Variants in COL11A1 observed in about 807,000 individuals in gnomAD.
The protein encoded by COL11A1 is collagen alpha-1(XI) chain.
A neutral mutation model predicts 265.2 loss-of-function variants in COL11A1; 74 were observed. The ratio of observed to expected loss-of-function variants is 0.28; its 90% CI spans 0.23 to 0.34. The LOEUF (loss-of-function observed/expected upper bound fraction) is 0.34, where lower values mean the gene tolerates loss of function less well. Among genes scored for constraint, COL11A1 ranks in the 10% least tolerant of loss-of-function variants. COL11A1 has a pLI of 1.00. For synonymous variants in COL11A1, 816 were observed against 727.6 expected (o/e 1.12, Z -1.96); for missense variants, 2,165 against 2,263.6 (o/e 0.96, Z 0.88).
At chr1:103,076,553 T>C (rs1045285716) in intron 3 of COL11A1, among the ~76,000 whole-genome samples, 9 of 152,120 alleles carry the variant, frequency 5.9e-5, no homozygotes, top group Non-Finnish European at 1.2e-4. Context: ...TTGCACATGT[T>C]CTTCACCCAG....
chr1:102,926,389 A>G (rs1300684800), intron 46 of COL11A1, among the ~76,000 whole-genome samples: 2 of 152,160 alleles, frequency 1.3e-5, no homozygotes, highest in Non-Finnish European at 2.9e-5. Context: ...GTGTGTGTGT[A>G]TATATCCTTC....
intron 8 of COL11A1, among the ~76,000 whole-genome samples, 162 bp downstream of exon 8, chr1:103,022,580 T>G (rs1408814052): frequency 1.3e-5 from 2 of 152,156 alleles, no homozygotes; most frequent in Non-Finnish European, 2.9e-5. Context: ...AAGATTCCCA[T>G]GTGAAAGAAT....
At chr1:103,046,988 A>G (rs1402898222) in intron 4 of COL11A1, among the ~76,000 whole-genome samples, 4 of 152,228 alleles carry the variant, frequency 2.6e-5, no homozygotes, top group East Asian at 1.9e-4. Context: ...TACAAGTACC[A>G]TGTTGTTTTG....
intron 14 of COL11A1, among the ~76,000 whole-genome samples, chr1:103,011,806 A>G (rs1049656739): frequency 6.6e-6 from 1 of 152,110 alleles, no homozygotes; most frequent in Non-Finnish European, 1.5e-5. Context: ...ACACCACTTA[A>G]CATTAGTATA....
intron 4 of COL11A1, among the ~76,000 whole-genome samples, chr1:103,073,925 A>G (rs954312332): frequency 2.6e-5 from 4 of 152,046 alleles, no homozygotes; most frequent in Non-Finnish European, 5.9e-5. Flanking sequence ...TGACAAAGAA[A>G]CGACTCAAAT....
intron 4 of COL11A1, among the ~76,000 whole-genome samples, chr1:103,037,252 TTGTGTGTGTGTGTGTG>T (rs10582908): frequency 2.8e-5 from 4 of 145,220 alleles, no homozygotes; most frequent in South Asian, 2.2e-4. Flanking sequence ...TACATTTAGA[TTGTGTGTGTGTGTGTG>T]TGTGTGTGTG....
intron 41 of COL11A1, among the ~76,000 whole-genome samples, chr1:102,948,539 A>C (rs998597368): frequency 6.6e-6 from 1 of 151,946 alleles, no homozygotes; most frequent in Non-Finnish European, 1.5e-5. Flanking sequence ...GCTTTATATA[A>C]ACAAAAGTGG....
At chr1:103,007,344 A>T (rs1299709754) in intron 15 of COL11A1, among the ~76,000 whole-genome samples, 1 of 152,154 alleles carries the variant, frequency 6.6e-6, no homozygotes, top group East Asian at 1.9e-4. Context: ...ATCGATATAC[A>T]TATTTTAAAA....
At position 103,012,267 on chromosome 1, in the gene COL11A1, G is replaced by T. The variant is rs539426639; in HGVS notation, c.1629+146C>A. On this transcript the variant is annotated intron_variant, in intron 14 of 66. Transcript: ENST00000370096. ...AATGTACAGAAAACTGAATTGAGAA[G>T]GATTTTTTTAATGGAAACAACAGCA... The T allele has an allele frequency of 9.3e-6, 6 of 647,812 alleles. No individual in the cohort carries two copies. The South Asian group carries it at 1.2e-4, about 13-fold the overall frequency. The allele number at this position is 647,812 out of a possible 1,614,324, so 40.1% of individuals were successfully genotyped here.
In COL11A1 at chr1:103,002,886, C is replaced by G. The variant is rs1665252339; in HGVS notation, c.1999-95G>C. ...AATCTAATATCATGATATTCACTAC[C>G]CTAAGCAACTAAAAATCATTTTAGG... On this transcript the variant is annotated intron_variant, in intron 21 of 66. Transcript: ENST00000370096. The G allele has an allele frequency of 3.5e-6, 4 of 1,128,624 alleles. No individual in the cohort carries two copies. The Admixed American group carries it at 5.8e-5, about 16-fold the overall frequency. The allele number at this position is 1,128,624 out of a possible 1,614,324, so 69.9% of individuals were successfully genotyped here. A position where few individuals can be genotyped will look rare whatever the true frequency, so the allele number is the denominator to read the frequency against.
intron 11 of COL11A1, 102 bp downstream of exon 11, chr1:103,017,718 C>T (rs1666676914): frequency 7.1e-6 from 7 of 992,760 alleles, no homozygotes; most frequent in South Asian, 1.3e-5. Context: ...TTTACCCCTC[C>T]CACACGCAGT....
intron 4 of COL11A1, among the ~76,000 whole-genome samples, chr1:103,063,116 A>G (rs1670803323): frequency 6.6e-6 from 1 of 152,094 alleles, no homozygotes; most frequent in African/African-American, 2.4e-5. Context: ...GAATGACTCA[A>G]TACTGTCAAG....
At chr1:103,062,142 T>C (rs886656188) in intron 4 of COL11A1, among the ~76,000 whole-genome samples, 1 of 151,766 alleles carries the variant, frequency 6.6e-6, no homozygotes, top group African/African-American at 2.4e-5. Flanking sequence ...AAATAAAGAA[T>C]TAGAAAATCT....
At position 102,912,169 on chromosome 1, in the gene COL11A1, G is replaced by C; in HGVS notation, c.4076C>G (p.Pro1359Arg). 1 of 1,611,100 alleles carries C rather than the reference G, an allele frequency of 6.2e-7. No homozygotes were observed. The highest frequency in any genetic ancestry group is 8.5e-7 in the Non-Finnish European group (1 of 1,178,640). ...ATTAAAGAAACTTACTCGTTTTCCA[G>C]GAGGACCTGGTGGGCCAGCCTCACC... Reference protein sequence around the residue: ...PSGEAGPPGPPGKRGPPGAAG... With the variant: ...PSGEAGPPGPRGKRGPPGAAG... The change falls in exon 54 of 67, where the codon CCT becomes CGT. Residue 1359 changes from proline to arginine, a missense_variant. Coordinates refer to ENST00000370096, the MANE Select transcript of COL11A1 (RefSeq NM_001854.4).
intron 46 of COL11A1, among the ~76,000 whole-genome samples, chr1:102,931,264 A>C (rs1462715469): frequency 2.0e-5 from 3 of 151,346 alleles, no homozygotes; most frequent in Non-Finnish European, 4.4e-5. Context: ...ACTGCTTTGA[A>C]TGCGTCCCAG....
intron 30 of COL11A1, among the ~76,000 whole-genome samples, chr1:102,985,610 A>G (rs542159650): frequency 6.6e-6 from 1 of 152,300 alleles, no homozygotes; most frequent in East Asian, 1.9e-4. Flanking sequence ...TCATTTTAAA[A>G]TAAATTCTGG....
chr1:102,901,531 A>G (rs1653202254), intron 54 of COL11A1, among the ~76,000 whole-genome samples: 1 of 132,176 alleles, frequency 7.6e-6, no homozygotes, highest in South Asian at 2.5e-4. Flanking sequence ...AAAACAAAGA[A>G]TGCCTACGGA....
intron 4 of COL11A1, among the ~76,000 whole-genome samples, chr1:103,046,818 A>C (rs1358924967): frequency 6.6e-6 from 1 of 151,344 alleles, no homozygotes; most frequent in African/African-American, 2.4e-5. Flanking sequence ...TCAGCTTTCT[A>C]CATATGGCTA....
At chr1:102,902,155 G>T (rs1182396292) in intron 54 of COL11A1, among the ~76,000 whole-genome samples, 1 of 152,158 alleles carries the variant, frequency 6.6e-6, no homozygotes, top group African/African-American at 2.4e-5. Flanking sequence ...AAAGGAATAA[G>T]AATGGAAAGT....
Sources: allele counts gnomAD v4.1 joint callset (sites outside exome capture counted in the v4.1 genomes callset), GRCh38; gene constraint gnomAD v4.1.1; transcripts MANE v1.5; gene names NCBI Gene and HGNC (gene_info 2026-07-23, HGNC 2026-07-21).